The following SEPTIN14 variants were observed in gnomAD, a reference collection of about 807,000 sequenced individuals.
SEPTIN14 encodes septin-14.
A neutral mutation model predicts 53.6 loss-of-function variants in SEPTIN14; 40 were observed. The observed-to-expected ratio is 0.75, with a 90% CI of 0.58 to 0.97. The LOEUF (loss-of-function observed/expected upper bound fraction) is 0.97, where lower values mean the gene tolerates loss of function less well. Ranked by LOEUF, SEPTIN14 falls within the 50% of genes least tolerant of loss-of-function variation. SEPTIN14 has a pLI of 0.00. For missense variants in SEPTIN14, 471 were observed against 508.2 expected (o/e 0.93, Z 0.70); for synonymous variants, 138 against 166.8 (o/e 0.83, Z 1.33).
chr7:55,811,660 C>T (rs1315857451), intron 7 of SEPTIN14, among the ~76,000 whole-genome samples: 3 of 150,744 alleles, frequency 2.0e-5, no homozygotes, highest in Non-Finnish European at 4.4e-5. Flanking sequence ...CACCACCACG[C>T]CTGGTTTTTC....
chr7:55,799,899 T>C (rs1788498854), intron 9 of SEPTIN14, among the ~76,000 whole-genome samples: 1 of 151,354 alleles, frequency 6.6e-6, no homozygotes, highest in African/African-American at 2.4e-5. Flanking sequence ...CAAATAGGCA[T>C]AGATAGATTA....
chr7:55,855,403 A>AC (rs1338669752), intron 2 of SEPTIN14, among the ~76,000 whole-genome samples: 4 of 152,224 alleles, frequency 2.6e-5, no homozygotes, highest in Non-Finnish European at 5.9e-5. Context: ...ACAGGAAAAG[A>AC]CAAGATGGGA....
At chr7:55,822,708 A>C (rs1327948010) in intron 6 of SEPTIN14, among the ~76,000 whole-genome samples, 1 of 152,192 alleles carries the variant, frequency 6.6e-6, no homozygotes, top group Admixed American at 6.5e-5. Context: ...AAAAATAAGA[A>C]TCTACAAACA....
chr7:55,849,729 G>A, intron 2 of SEPTIN14, among the ~76,000 whole-genome samples: 1 of 152,240 alleles, frequency 6.6e-6, no homozygotes, highest in South Asian at 2.1e-4. Context: ...CTGGGCAACA[G>A]AGCAAGACTC....
chr7:55,812,374 A>C (rs1788718203), intron 7 of SEPTIN14, among the ~76,000 whole-genome samples: 1 of 152,226 alleles, frequency 6.6e-6, no homozygotes, highest in Admixed American at 6.5e-5. Context: ...TGTGGTAACT[A>C]AAAATGTCAA....
chr7:55,859,132 CAA>C (rs2051503554), intron 2 of SEPTIN14, among the ~76,000 whole-genome samples: 1 of 148,190 alleles, frequency 6.7e-6, no homozygotes, highest in Non-Finnish European at 1.5e-5. Context: ...GCCTGGTTAA[CAA>C]GAGCGAAACT....
chr7:55,860,906 A>G (rs1002385012), intron 2 of SEPTIN14, among the ~76,000 whole-genome samples: 1 of 152,156 alleles, frequency 6.6e-6, no homozygotes, highest in Non-Finnish European at 1.5e-5. Context: ...TAGAACTGTG[A>G]ACAATGCATT....
rs750565046 is a variant in SEPTIN14 at position 55,846,592 on chromosome 7, C to T, written c.100G>A (p.Gly34Ser). 2.6e-6 allele frequency: 4 copies of T among 1,527,764 alleles called. No homozygotes were observed. The South Asian group carries it at 4.6e-5, about 17-fold the overall frequency. The allele number at this position is 1,527,764 out of a possible 1,614,324, so 94.6% of individuals were successfully genotyped here. ...AACTGATTGGGCAAACATTCAAAAC[C>T]AAAATGTCCAATCGTAGTTAAACAA... Reference protein sequence around the residue: ...IRCLTTIGHFGFECLPNQLVS... With the variant: ...IRCLTTIGHFSFECLPNQLVS... Residue 34 changes from glycine (G) to serine (S), a missense_variant, in exon 3 of 10, where the codon GGT (glycine) becomes AGT (serine). Physicochemically the swap from Gly to Ser is moderately conservative, Grantham distance 56. Coordinates refer to ENST00000388975, the MANE Select transcript of SEPTIN14 (RefSeq NM_207366.3).
chr7:55,847,024 A>G (rs935217832), intron 2 of SEPTIN14, among the ~76,000 whole-genome samples: 3 of 152,080 alleles, frequency 2.0e-5, no homozygotes, highest in African/African-American at 7.2e-5. Flanking sequence ...CATCTCTACT[A>G]AAAATACAAA....
intron 6 of SEPTIN14, among the ~76,000 whole-genome samples, chr7:55,829,918 C>T (rs1212402888): frequency 1.3e-5 from 2 of 151,608 alleles, no homozygotes; most frequent in African/African-American, 2.4e-5. Flanking sequence ...GTGGCTCACG[C>T]CTGTAATCCC....
At chr7:55,853,926 G>A (rs570470833) in intron 2 of SEPTIN14, among the ~76,000 whole-genome samples, 65 of 152,070 alleles carry the variant, frequency 4.3e-4, no homozygotes, top group South Asian at 3.3e-3. Context: ...ACCAATCTGG[G>A]CAACATAGTG....
chr7:55,811,961 G>A (rs1009635640), intron 7 of SEPTIN14, among the ~76,000 whole-genome samples: 2 of 151,908 alleles, frequency 1.3e-5, no homozygotes, highest in South Asian at 2.1e-4. Context: ...ACATGGCTAA[G>A]TTTTTGCATT....
rs1788621156 is a variant in SEPTIN14, at chr7:55,807,078, A to G, written c.986+12T>C. The G allele has an allele frequency of 6.4e-7, 1 of 1,566,434 alleles. No individual in the cohort carries two copies. The highest frequency in any genetic ancestry group is 2.1e-5 in the Admixed American group (1 of 47,574). Reference sequence around the variant, plus strand: ...TTATCCATTTGGTTGTGCTAGCAATATTTTTACTCACCTAACTGGCTGGTT... The same window carrying G: ...TTATCCATTTGGTTGTGCTAGCAATGTTTTTACTCACCTAACTGGCTGGTT... On this transcript the variant is annotated intron_variant, in intron 8 of 9. Transcript: ENST00000388975.
At chr7:55,837,469 A>G (rs1233520049) in intron 5 of SEPTIN14, among the ~76,000 whole-genome samples, 2 of 152,122 alleles carry the variant, frequency 1.3e-5, no homozygotes, top group African/African-American at 2.4e-5. Flanking sequence ...AGTTGCATGA[A>G]TATTACAGAG....
chr7:55,813,197 G>A (rs113988712), intron 7 of SEPTIN14, among the ~76,000 whole-genome samples: 2,121 of 152,178 alleles, frequency 0.014, 31 homozygotes, highest in South Asian at 0.033. Flanking sequence ...TGATCCACCC[G>A]CCTTGGCCTC....
At chr7:55,827,279 G>T (rs1004615408) in intron 6 of SEPTIN14, among the ~76,000 whole-genome samples, 1 of 152,176 alleles carries the variant, frequency 6.6e-6, no homozygotes, top group African/African-American at 2.4e-5. Flanking sequence ...AAGGAGCAGC[G>T]TTCCTGCATG....
At chr7:55,820,104 A>G (rs1369384839) in intron 6 of SEPTIN14, among the ~76,000 whole-genome samples, 1 of 152,070 alleles carries the variant, frequency 6.6e-6, no homozygotes, top group Non-Finnish European at 1.5e-5. Context: ...GGTTCAAGCA[A>G]TTCTCCTGCC....
chr7:55,861,700 G>A (rs73132825), intron 2 of SEPTIN14, among the ~76,000 whole-genome samples: 26,808 of 152,116 alleles, frequency 0.18, 3,073 homozygotes, highest in East Asian at 0.26. Flanking sequence ...TTTCTTTGGT[G>A]TTAAGTAGAA....
chr7:55,804,266 T>C (rs1302632436), intron 9 of SEPTIN14, among the ~76,000 whole-genome samples: 1 of 150,742 alleles, frequency 6.6e-6, no homozygotes, highest in Admixed American at 6.6e-5. Context: ...TGGTTTTTTT[T>C]GTTTTTTTTT....
Sources: allele counts gnomAD v4.1 joint callset (sites outside exome capture counted in the v4.1 genomes callset), GRCh38; gene constraint gnomAD v4.1.1; transcripts MANE v1.5; gene names NCBI Gene and HGNC (gene_info 2026-07-23, HGNC 2026-07-21).